CAMK1D: variants seen among roughly 807,000 people sequenced by gnomAD.
CAMK1D encodes the protein calcium/calmodulin dependent protein kinase ID, also known as calcium/calmodulin-dependent protein kinase type 1D.
Under a neutral mutation model 47.7 loss-of-function variants are expected in CAMK1D, and 9 were observed. That is an observed-to-expected ratio of 0.19 (90% CI 0.11 to 0.33). The LOEUF (loss-of-function observed/expected upper bound fraction) is 0.33. CAMK1D is among the 10% of genes least tolerant of loss of function. CAMK1D has a pLI of 1.00. For synonymous variants in CAMK1D, 184 were observed against 184.9 expected (o/e 0.99, Z 0.04); for missense variants, 291 against 488.7 (o/e 0.60, Z 3.81).
intron 3 of CAMK1D, among the ~76,000 whole-genome samples, chr10:12,684,304 A>G (rs1832566005): frequency 6.6e-6 from 1 of 152,082 alleles, no homozygotes; most frequent in African/African-American, 2.4e-5. Flanking sequence ...GTGATATCCA[A>G]CGGCGTCTCT....
intron 1 of CAMK1D, among the ~76,000 whole-genome samples, chr10:12,396,361 A>G (rs1838955468): frequency 6.6e-6 from 1 of 152,170 alleles, no homozygotes; most frequent in South Asian, 2.1e-4. Flanking sequence ...AACGGTTGCC[A>G]AAATCGTCAT....
At chr10:12,671,794 A>C (rs182831546) in intron 3 of CAMK1D, among the ~76,000 whole-genome samples, 3 of 151,046 alleles carry the variant, frequency 2.0e-5, no homozygotes, top group African/African-American at 4.9e-5. Flanking sequence ...TTGTCTTTCT[A>C]CTTTCTTGAT....
At chr10:12,433,693 A>G (rs1031141744) in intron 1 of CAMK1D, among the ~76,000 whole-genome samples, 1 of 152,236 alleles carries the variant, frequency 6.6e-6, no homozygotes, top group Non-Finnish European at 1.5e-5. Context: ...AAAAGAAAAA[A>G]CAAACTCGTG....
chr10:12,463,130 GTT>G (rs34084682), intron 1 of CAMK1D, among the ~76,000 whole-genome samples: 7 of 141,172 alleles, frequency 5.0e-5, no homozygotes, highest in East Asian at 4.1e-4. Flanking sequence ...AGCTCTAAGA[GTT>G]TTTTTTTTTT....
At position 12,833,916 on chromosome 10, in the gene CAMK1D, T is replaced by TAAAAAA. The variant is rs72457518; in HGVS notation, c.*5046_*5051dup. The TAAAAAA allele has an allele frequency of 8.4e-6, 1 of 119,418 alleles. No homozygotes were observed. The highest frequency in any genetic ancestry group is 3.1e-5 in the African/African-American group (1 of 32,094). The allele number at this position is 119,418 out of a possible 1,614,324, so 7.4% of individuals were successfully genotyped here. On this transcript the variant is annotated 3_prime_UTR_variant, in exon 11 of 11. Coordinates refer to ENST00000619168, the MANE Select transcript of CAMK1D (RefSeq NM_153498.4). The stretch of plus-strand genomic sequence containing the variant: ...CCAGACCAAACACTGTTCAGTTTGT[T>TAAAAAA]AAAAAAAAAAAAAAAAAAAAAAGAT...
chr10:12,502,661 T>A (rs1269117298), intron 1 of CAMK1D, among the ~76,000 whole-genome samples: 1 of 152,236 alleles, frequency 6.6e-6, no homozygotes, highest in Non-Finnish European at 1.5e-5. Flanking sequence ...GACACCAGGA[T>A]GCTTGCTCTT....
At chr10:12,623,478 T>C (rs1588702447) in intron 2 of CAMK1D, among the ~76,000 whole-genome samples, 3 of 111,798 alleles carry the variant, frequency 2.7e-5, no homozygotes, top group Non-Finnish European at 5.6e-5. Flanking sequence ...CCTCCCTCCT[T>C]CCTCCCTTCC....
rs147391901 is a variant in CAMK1D, at chr10:12,639,920, T to C, written c.225-26816T>C. 3.0e-3 allele frequency among the ~76,000 whole-genome samples: 452 copies of C among 152,314 alleles called. 4 individuals carry two copies. In the Middle Eastern group the frequency reaches 0.037, roughly 13 times the overall value. Reference sequence around the variant, plus strand: ...GGGGAAGCTTCTATGCGCCTGGAATTCTACATGGAAACTCTTGTAGCTCTG... The same window carrying C: ...GGGGAAGCTTCTATGCGCCTGGAATCCTACATGGAAACTCTTGTAGCTCTG... On this transcript the variant is annotated intron_variant, in intron 2 of 10. Coordinates refer to ENST00000619168, the MANE Select transcript of CAMK1D (RefSeq NM_153498.4).
At chr10:12,529,743 T>C (rs1438454383) in intron 1 of CAMK1D, among the ~76,000 whole-genome samples, 2 of 152,184 alleles carry the variant, frequency 1.3e-5, no homozygotes, top group African/African-American at 2.4e-5. Context: ...TAAGCAAACG[T>C]AATTTAAAAA....
chr10:12,782,521 TTC>T (rs769858544), intron 5 of CAMK1D, among the ~76,000 whole-genome samples: 1 of 152,232 alleles, frequency 6.6e-6, no homozygotes, highest in Non-Finnish European at 1.5e-5. Context: ...AATGTCATCT[TTC>T]TCTCTCACTG....
chr10:12,818,962 A>G (rs987676314), intron 8 of CAMK1D, among the ~76,000 whole-genome samples: 1 of 152,212 alleles, frequency 6.6e-6, no homozygotes, highest in African/African-American at 2.4e-5. Context: ...TTATAAACAT[A>G]TTAGGCCTTT....
Position 12,358,612 on chromosome 10 carries a change from A to G in CAMK1D, c.92+8702A>G, listed in dbSNP as rs141412062. Reference sequence around the variant, plus strand: ...CTTGAGAGCAAGCCTTTGATAGGGTATATTTGCTGAGGCCGGGTAAAGGAG... The same window carrying G: ...CTTGAGAGCAAGCCTTTGATAGGGTGTATTTGCTGAGGCCGGGTAAAGGAG... On this transcript the variant is annotated intron_variant, in intron 1 of 10. Coordinates refer to ENST00000619168, the MANE Select transcript of CAMK1D (RefSeq NM_153498.4). 7.0e-4 allele frequency among the ~76,000 whole-genome samples: 107 copies of G among 152,268 alleles called. 1 individual carries two copies. In the East Asian group the frequency reaches 0.017, roughly 24 times the overall value.
intron 3 of CAMK1D, among the ~76,000 whole-genome samples, chr10:12,724,626 C>T (rs1405693668): frequency 2.0e-5 from 3 of 152,242 alleles, no homozygotes; most frequent in Non-Finnish European, 4.4e-5. Flanking sequence ...GAAGTCCTCA[C>T]ATTTAAATGG....
At chr10:12,690,041 G>A (rs1392088781) in intron 3 of CAMK1D, among the ~76,000 whole-genome samples, 1 of 152,206 alleles carries the variant, frequency 6.6e-6, no homozygotes, top group Non-Finnish European at 1.5e-5. Context: ...GTTGACAGTA[G>A]CACTGTCCTG....
At chr10:12,393,793 C>T (rs1281745376) in intron 1 of CAMK1D, among the ~76,000 whole-genome samples, 2 of 152,184 alleles carry the variant, frequency 1.3e-5, no homozygotes, top group Non-Finnish European at 2.9e-5. Flanking sequence ...AGAACACTAC[C>T]CTGAAGATGA....
intron 3 of CAMK1D, among the ~76,000 whole-genome samples, chr10:12,693,354 G>A (rs1833007873): frequency 6.6e-6 from 1 of 152,022 alleles, no homozygotes. Context: ...AACAGAGCGA[G>A]ACTCCATCTC....
intron 1 of CAMK1D, among the ~76,000 whole-genome samples, chr10:12,441,531 A>G (rs1050322793): frequency 3.2e-5 from 4 of 125,310 alleles, no homozygotes; most frequent in Non-Finnish European, 5.6e-5. Flanking sequence ...CTTTTGTTAA[A>G]AAAAAAAAAA....
At chr10:12,693,556 A>G (rs1309756056) in intron 3 of CAMK1D, among the ~76,000 whole-genome samples, 1 of 151,798 alleles carries the variant, frequency 6.6e-6, no homozygotes, top group Admixed American at 6.6e-5. Flanking sequence ...TCACCTGAGC[A>G]TGGGTGTCGA....
chr10:12,462,009 C>T (rs752145232), intron 1 of CAMK1D, among the ~76,000 whole-genome samples: 9 of 152,128 alleles, frequency 5.9e-5, no homozygotes, highest in African/African-American at 1.7e-4. Context: ...TATACCAAGA[C>T]CCCTAACTCC....
Sources: allele counts gnomAD v4.1 joint callset (sites outside exome capture counted in the v4.1 genomes callset), GRCh38; gene constraint gnomAD v4.1.1; transcripts MANE v1.5; gene names NCBI Gene and HGNC (gene_info 2026-07-23, HGNC 2026-07-21).